The following TERF1 variants were observed in gnomAD, a reference collection of about 807,000 sequenced individuals.
The protein encoded by TERF1 is telomeric repeat binding factor 1, also known as telomeric repeat-binding factor 1.
A neutral mutation model predicts 55.1 loss-of-function variants in TERF1; 20 were observed. The observed-to-expected ratio is 0.36, with a 90% CI of 0.26 to 0.53. TERF1 has a LOEUF of 0.53. Ranked by LOEUF, TERF1 falls within the 20% of genes least tolerant of loss-of-function variation. The probability of loss-of-function intolerance (pLI) is 0.91; values close to 1 mark genes in which losing one functional copy is unlikely to be tolerated. For synonymous variants in TERF1, 168 were observed against 181.2 expected (o/e 0.93, Z 0.59); for missense variants, 439 against 535.7 (o/e 0.82, Z 1.78).
Position 73,030,065 on chromosome 8 carries a change from G to A in TERF1, c.888-271G>A, listed in dbSNP as rs1295530763. ...CTTGAATTCATGGAAATAAAGTGCCGTAGAAGAGTTTTTGAAAGAGTGTTA... is the reference window on the plus strand; with the variant it reads ...CTTGAATTCATGGAAATAAAGTGCCATAGAAGAGTTTTTGAAAGAGTGTTA... On this transcript the variant is annotated intron_variant, in intron 6 of 9. Transcript: ENST00000276603. 15 of 278,670 alleles carry A rather than the reference G, an allele frequency of 5.4e-5. 1 individual carries two copies. The highest frequency in any genetic ancestry group is 1.8e-4 in the East Asian group (3 of 16,346). The allele number at this position is 278,670 out of a possible 1,614,324, so 17.3% of individuals were successfully genotyped here.
chr8:73,037,078 A>G (rs1809549582), intron 8 of TERF1, among the ~76,000 whole-genome samples: 1 of 136,384 alleles, frequency 7.3e-6, no homozygotes, highest in Non-Finnish European at 1.5e-5. Context: ...TAATAATTAT[A>G]CTACATATAA....
intron 2 of TERF1, among the ~76,000 whole-genome samples, chr8:73,016,360 AC>A (rs567521706): frequency 1.5e-4 from 23 of 150,774 alleles, no homozygotes; most frequent in Admixed American, 8.7e-4. Flanking sequence ...GTGGCTGTAG[AC>A]CCCCACGTAG....
At chr8:73,011,005 T>TAA (rs903535673) in intron 1 of TERF1, 12 of 152,200 alleles carry the variant, frequency 7.9e-5, no homozygotes, top group Non-Finnish European at 7.3e-5. Context: ...AACCATGGTG[T>TAA]AAACAGAGGC....
intron 8 of TERF1, among the ~76,000 whole-genome samples, chr8:73,032,739 T>A (rs1261040459): frequency 6.6e-6 from 1 of 152,198 alleles, no homozygotes; most frequent in Admixed American, 6.5e-5. Flanking sequence ...ATTCTTGTTA[T>A]TCACAGTAGT....
chr8:73,045,632 A>G (rs1042396654), intron 9 of TERF1, among the ~76,000 whole-genome samples: 1 of 152,178 alleles, frequency 6.6e-6, no homozygotes, highest in Admixed American at 6.5e-5. Context: ...GGAGGATAAT[A>G]AATACAACTA....
intron 6 of TERF1, among the ~76,000 whole-genome samples, chr8:73,029,053 G>A (rs1003470680): frequency 2.3e-4 from 35 of 152,082 alleles, no homozygotes; most frequent in Admixed American, 1.6e-3. Flanking sequence ...CAAAACCATC[G>A]TGGAAGCAGA....
At chr8:73,019,340 A>T (rs1808651414) in intron 2 of TERF1, among the ~76,000 whole-genome samples, 1 of 152,208 alleles carries the variant, frequency 6.6e-6, no homozygotes, top group Non-Finnish European at 1.5e-5. Context: ...GTCCTCACCC[A>T]GGCTTCCTAT....
chr8:73,038,727 AACTG>A, intron 8 of TERF1: 2 of 961,652 alleles, frequency 2.1e-6, no homozygotes, highest in South Asian at 4.8e-5. Flanking sequence ...TGTCTTACCA[AACTG>A]ACTATGAATA....
chr8:73,015,910 T>C (rs1808483007), intron 2 of TERF1, among the ~76,000 whole-genome samples: 1 of 152,164 alleles, frequency 6.6e-6, no homozygotes, highest in Non-Finnish European at 1.5e-5. Context: ...TTTGATAATC[T>C]TATTTAACTC....
chr8:73,038,311 G>A (rs771103945), intron 8 of TERF1, among the ~76,000 whole-genome samples: 14 of 151,838 alleles, frequency 9.2e-5, no homozygotes, highest in East Asian at 1.9e-4. Context: ...AAAATTAGTC[G>A]GGCATGGCGG....
At chr8:73,037,457 A>G (rs1473117509) in intron 8 of TERF1, among the ~76,000 whole-genome samples, 1 of 129,904 alleles carries the variant, frequency 7.7e-6, no homozygotes, top group Non-Finnish European at 1.6e-5. Flanking sequence ...TATATGTTAT[A>G]TTAACATATA....
intron 9 of TERF1, among the ~76,000 whole-genome samples, chr8:73,040,610 T>G (rs1196757327): frequency 6.6e-6 from 1 of 152,182 alleles, no homozygotes; most frequent in African/African-American, 2.4e-5. Context: ...GCTTGGTATT[T>G]TCTGAGCTTC....
chr8:73,035,047 T>C (rs1348474413), intron 8 of TERF1, among the ~76,000 whole-genome samples: 1 of 152,174 alleles, frequency 6.6e-6, no homozygotes, highest in Non-Finnish European at 1.5e-5. Context: ...ATTTTTAATA[T>C]GTAAAACTGA....
chr8:73,028,653 T>C (rs748038402), intron 6 of TERF1, among the ~76,000 whole-genome samples: 9 of 150,226 alleles, frequency 6.0e-5, no homozygotes, highest in Non-Finnish European at 1.2e-4. Context: ...TGGTACTTTC[T>C]AGCAGCACAG....
In TERF1 at chr8:73,022,280, T is replaced by A. The variant is rs754857546; in HGVS notation, c.602T>A (p.Phe201Tyr). 1 of 1,588,934 alleles carries A rather than the reference T, an allele frequency of 6.3e-7. No individual in the cohort carries two copies. Among genetic ancestry groups the A allele is most frequent in the East Asian group, 2.3e-5 (1 of 44,194 alleles). ...GCAGAAGAAGTCTTTGAAAGAATAT[T>A]TGGTGATCCAAATTCTCATATGGTA... ...KEAEEVFERI[F>Y]GDPNSHMPFK... Residue 201 changes from phenylalanine to tyrosine, a missense_variant, in exon 4 of 10, where the codon TTT becomes TAT. Physicochemically the swap from Phe to Tyr is conservative, Grantham distance 22. Coordinates refer to ENST00000276603, the MANE Select transcript of TERF1 (RefSeq NM_017489.3).
intron 9 of TERF1, among the ~76,000 whole-genome samples, chr8:73,041,509 A>T (rs561389940): frequency 3.9e-5 from 6 of 152,308 alleles, no homozygotes; most frequent in Admixed American, 3.9e-4. Flanking sequence ...AGTGCTTCTC[A>T]GCCCACCACC....
intron 9 of TERF1, among the ~76,000 whole-genome samples, chr8:73,044,366 A>G (rs148516920): frequency 6.6e-6 from 1 of 152,330 alleles, no homozygotes; most frequent in African/African-American, 2.4e-5. Context: ...ATCAGGTTTA[A>G]GGTAGCTCAA....
chr8:73,009,304 G>GGGAGAGAGGA, intron 1 of TERF1, 99 bp downstream of exon 1: 1 of 65,350 alleles, frequency 1.5e-5, no homozygotes, highest in Non-Finnish European at 2.6e-5. Context: ...CCGAGGGAGG[G>GGGAGAGAGGA]GCTGCTGCGG....
At chr8:73,037,711 A>G (rs1211454605) in intron 8 of TERF1, among the ~76,000 whole-genome samples, 3 of 79,094 alleles carry the variant, frequency 3.8e-5, no homozygotes, top group Non-Finnish European at 6.8e-5. Flanking sequence ...ATATTATATT[A>G]TATATAATAT....
Sources: gnomAD v4.1 joint callset for allele counts (sites outside exome capture counted in the v4.1 genomes callset) on GRCh38, gnomAD v4.1.1 for gene constraint, MANE v1.5 for transcripts, NCBI Gene and HGNC (gene_info 2026-07-23, HGNC 2026-07-21) for gene names.